Variants in RBFOX3 observed in about 807,000 individuals in gnomAD.
RBFOX3 encodes RNA binding protein fox-1 homolog 3.
In RBFOX3, 17 loss-of-function variants were observed where a neutral mutation model predicts 48.7. That is an observed-to-expected ratio of 0.35 (90% CI 0.24 to 0.52). The LOEUF is 0.52. Ranked by LOEUF, RBFOX3 falls within the 20% of genes least tolerant of loss-of-function variation. RBFOX3 has a pLI of 0.94. For missense variants in RBFOX3, 382 were observed against 497.5 expected (o/e 0.77, Z 2.21); for synonymous variants, 212 against 209.5 (o/e 1.01, Z -0.10).
rs575761652 is a variant in RBFOX3, at chr17:79,423,549, C to A, written c.-175+58905G>T. Among the ~76,000 whole-genome samples the A allele has an allele frequency of 5.3e-5, 8 of 152,212 alleles. No individual in the cohort carries two copies. ...CCCAGCACCTGGGGTTCTCCGCTAT[C>A]TCCCACACATCGTTCTCAAACGCCG... is the stretch of plus-strand genomic sequence containing the variant. On this transcript the variant is annotated intron_variant, in intron 2 of 14. Transcript: ENST00000693108. The surrounding 1 kb of genome is among the most constrained non-coding windows in gnomAD (Gnocchi z 4.9).
In RBFOX3 at chr17:79,265,343, G is replaced by A. The variant is rs538994971; in HGVS notation, c.-73-29538C>T. Among the ~76,000 whole-genome samples, 13 of 152,282 alleles carry A rather than the reference G, an allele frequency of 8.5e-5. No homozygotes were observed. In the East Asian group the frequency reaches 2.1e-3, roughly 25 times the overall value. The stretch of plus-strand genomic sequence containing the variant: ...CGGTCATGGGGAGCAGCTGGCCTCC[G>A]GGGCTCCCACAGCCTCCCGCTTAAC... On this transcript the variant is annotated intron_variant, in intron 3 of 14. Transcript: ENST00000693108.
At chr17:79,260,604 C>G (rs555005297) in intron 3 of RBFOX3, among the ~76,000 whole-genome samples, 1 of 152,304 alleles carries the variant, frequency 6.6e-6, no homozygotes, top group East Asian at 1.9e-4. Context: ...TGGCCAAGGC[C>G]AAATCCAGAG....
chr17:79,355,311 T>C (rs182390819), intron 2 of RBFOX3, among the ~76,000 whole-genome samples: 1 of 152,352 alleles, frequency 6.6e-6, no homozygotes, highest in East Asian at 1.9e-4. Flanking sequence ...GGGAGACGTG[T>C]TGTTTGCAGA....
intron 2 of RBFOX3, among the ~76,000 whole-genome samples, chr17:79,380,185 T>TC (rs1193622716): frequency 1.5e-5 from 2 of 134,484 alleles, no homozygotes; most frequent in Admixed American, 7.4e-5. Context: ...ATCTCCACAA[T>TC]CCCCCCCTTG....
At chr17:79,382,455 G>A (rs1328492721) in intron 2 of RBFOX3, among the ~76,000 whole-genome samples, 4 of 152,204 alleles carry the variant, frequency 2.6e-5, no homozygotes, top group Non-Finnish European at 4.4e-5. Context: ...TGTGTTGGGC[G>A]GCACGTGGTT....
At chr17:79,355,584 C>CTT (rs571778311) in intron 2 of RBFOX3, among the ~76,000 whole-genome samples, 6 of 146,824 alleles carry the variant, frequency 4.1e-5, no homozygotes, top group African/African-American at 1.2e-4. Context: ...GAATTAATTG[C>CTT]TTTTTTTTTT....
At chr17:79,452,904 C>A (rs1238417424) in intron 2 of RBFOX3, among the ~76,000 whole-genome samples, 2 of 152,214 alleles carry the variant, frequency 1.3e-5, no homozygotes, top group Admixed American at 6.5e-5. Flanking sequence ...GGAAGCAGCA[C>A]CGTGGTGCCA....
At chr17:79,640,708 T>C in the RBFOX3 span, among the ~76,000 whole-genome samples, 1 of 152,172 alleles carries the variant, frequency 6.6e-6, no homozygotes, top group Non-Finnish European at 1.5e-5. Context: ...GGAGAAAGGC[T>C]AATCTCTTTA....
chr17:79,096,699 G>A lies in RBFOX3; in HGVS notation c.890C>T (p.Ala297Val), dbSNP rs1599392151. 6.4e-7 allele frequency: 1 copy of A among 1,550,960 alleles called. No homozygotes were observed. Among genetic ancestry groups the A allele is most frequent in the Middle Eastern group, 1.7e-4 (1 of 5,988 alleles). ...TCCATCCTGATACACGACCCTGGAA[G>A]CAAACGGACAAGAAAGTGGTGGGAA... ...PAFPPLSCPFASRVVYQDGFY... is the reference protein window; with the variant it reads ...PAFPPLSCPFVSRVVYQDGFY... The change falls in exon 12 of 15, where the codon GCT becomes GTT. Residue 297 changes from alanine (A) to valine (V), a missense_variant. Physicochemically the swap from Ala to Val is moderately conservative, Grantham distance 64. Transcript: ENST00000693108.
chr17:79,288,290 G>T (rs1266723957), intron 3 of RBFOX3, among the ~76,000 whole-genome samples: 3 of 152,130 alleles, frequency 2.0e-5, no homozygotes, highest in African/African-American at 7.2e-5. Context: ...CCTGCCCCCA[G>T]ATACCACAGG....
At position 79,225,291 on chromosome 17, in the gene RBFOX3, C is replaced by CTT. The variant is rs58461275; in HGVS notation, c.-34+10473_-34+10474dup. ...AGCACTGCTGTCCCCTCCCTCCATT[C>CTT]TTTTTTTTTTTTTTTTTTAGACAGG... On this transcript the variant is annotated intron_variant, in intron 4 of 14. Coordinates refer to ENST00000693108, the MANE Select transcript of RBFOX3 (RefSeq NM_001350451.2). 1.1e-3 allele frequency among the ~76,000 whole-genome samples: 138 copies of CTT among 128,114 alleles called. 3 individuals are homozygous for CTT. Among genetic ancestry groups the CTT allele is most frequent in the South Asian group, 1.8e-3 (7 of 3,794 alleles). 84.0% of individuals were successfully genotyped at this position (128,114 alleles called of 152,430 possible). A position where few individuals can be genotyped will look rare whatever the true frequency, so the allele number is the denominator to read the frequency against.
chr17:79,623,734 A>C, the RBFOX3 span, among the ~76,000 whole-genome samples: 6 of 151,934 alleles, frequency 3.9e-5, no homozygotes, highest in Non-Finnish European at 8.8e-5. Flanking sequence ...AGGCAGGAGA[A>C]TCGCTTGAAC....
chr17:79,444,735 G>A (rs137928175), intron 2 of RBFOX3, among the ~76,000 whole-genome samples: 78 of 151,938 alleles, frequency 5.1e-4, no homozygotes, highest in African/African-American at 1.7e-3. Flanking sequence ...TCTCAACAGC[G>A]TGCAGTAGAG....
In RBFOX3 at chr17:79,433,111, C is replaced by T. The variant is rs185315920; in HGVS notation, c.-175+49343G>A. Among the ~76,000 whole-genome samples the T allele has an allele frequency of 9.1e-4, 138 of 152,326 alleles. 1 individual carries two copies. Among genetic ancestry groups the T allele is most frequent in the African/African-American group, 3.1e-3 (128 of 41,568 alleles). Reference sequence around the variant, plus strand: ...TGTCACCACCAACACCAATGGGACACAGACGTCTCTGCAGGGAGACACGGT... The same window carrying T: ...TGTCACCACCAACACCAATGGGACATAGACGTCTCTGCAGGGAGACACGGT... On this transcript the variant is annotated intron_variant, in intron 2 of 14. Coordinates refer to ENST00000693108, the MANE Select transcript of RBFOX3 (RefSeq NM_001350451.2).
At chr17:79,183,078 C>G (rs889103109) in intron 4 of RBFOX3, among the ~76,000 whole-genome samples, 6 of 148,746 alleles carry the variant, frequency 4.0e-5, no homozygotes, top group African/African-American at 1.5e-4. Flanking sequence ...TGGGCGCCCC[C>G]GCGCTCGGCC....
chr17:79,520,556 G>A (rs2085913263), intron 1 of RBFOX3, among the ~76,000 whole-genome samples: 1 of 152,192 alleles, frequency 6.6e-6, no homozygotes, highest in African/African-American at 2.4e-5. Context: ...CCTGCCACCA[G>A]CCCACCAGCC....
intron 2 of RBFOX3, among the ~76,000 whole-genome samples, chr17:79,315,394 G>A (rs908626036): frequency 6.6e-6 from 1 of 152,166 alleles, no homozygotes; most frequent in African/African-American, 2.4e-5. Context: ...TGGATGCAGA[G>A]GCGGCTTTTC....
intron 4 of RBFOX3, among the ~76,000 whole-genome samples, chr17:79,166,117 C>T (rs1016646656): frequency 6.6e-6 from 1 of 150,946 alleles, no homozygotes; most frequent in Non-Finnish European, 1.5e-5. Flanking sequence ...CAGAGGGATA[C>T]AAACCTGGGC....
chr17:79,097,711 G>A lies in RBFOX3; in HGVS notation c.603C>T (p.Tyr201=), dbSNP rs377709616. The part of the protein sequence containing the change: ...WKLNPVVGAV[Y]GPEFYAVTGF... ...TTTTACCTGCATAGAATTCAGGCCC[G>A]TAGACTGCGCCGACCACTGGATTTA... The change falls in exon 10 of 15, where the codon TAC becomes TAT. Residue 201 remains tyrosine, a synonymous_variant. Coordinates refer to ENST00000693108, the MANE Select transcript of RBFOX3 (RefSeq NM_001350451.2). 3.1e-5 allele frequency: 42 copies of A among 1,372,500 alleles called. No homozygotes were observed. In the African/African-American group the frequency reaches 3.6e-4, roughly 12 times the overall value. The allele number at this position is 1,372,500 out of a possible 1,614,324, so 85.0% of individuals were successfully genotyped here.
Sources: gnomAD v4.1 joint callset for allele counts (sites outside exome capture counted in the v4.1 genomes callset) on GRCh38, gnomAD v4.1.1 for gene constraint, Gnocchi (gnomAD v3.1) non-coding constraint, MANE v1.5 for transcripts, NCBI Gene and HGNC (gene_info 2026-07-23, HGNC 2026-07-21) for gene names.